Variants in CAMTA1 observed in about 807,000 individuals in gnomAD.
CAMTA1 encodes calmodulin-binding transcription activator 1.
CAMTA1 carries 27 observed loss-of-function variants against 170.9 expected under a neutral mutation model. That is an observed-to-expected ratio of 0.16 (90% CI 0.12 to 0.22). The LOEUF (loss-of-function observed/expected upper bound fraction) is 0.22, where lower values mean the gene tolerates loss of function less well. Among genes scored for constraint, CAMTA1 ranks in the 10% least tolerant of loss-of-function variants. CAMTA1 has a pLI of 1.00. For missense variants in CAMTA1, 1,619 were observed against 2,217.2 expected (o/e 0.73, Z 5.42); for synonymous variants, 833 against 891.5 (o/e 0.93, Z 1.17).
At chr1:6,838,212 T>G (rs1035865741) in intron 3 of CAMTA1, among the ~76,000 whole-genome samples, 6 of 152,196 alleles carry the variant, frequency 3.9e-5, no homozygotes, top group African/African-American at 1.2e-4. Context: ...TGATAGTCAC[T>G]GACAGCACCA....
Position 7,609,778 on chromosome 1 carries a change from G to A in CAMTA1, c.511-30622G>A, listed in dbSNP as rs1326385139. Among the ~76,000 whole-genome samples, 5 of 152,316 alleles carry A rather than the reference G, an allele frequency of 3.3e-5. No individual in the cohort carries two copies. In the East Asian group the frequency reaches 5.8e-4, roughly 18 times the overall value. On this transcript the variant is annotated intron_variant, in intron 6 of 22. Transcript: ENST00000303635. The surrounding 1 kb of genome is among the most constrained non-coding windows in gnomAD (Gnocchi z 4.4). The stretch of plus-strand genomic sequence containing the variant: ...CTCTTTCCTGTCTGCAAAGCCAGGT[G>A]GGAACTGCCCTCCCGCAGGGCACCT...
chr1:7,106,237 A>G (rs1224327371), intron 4 of CAMTA1, among the ~76,000 whole-genome samples: 3 of 151,342 alleles, frequency 2.0e-5, no homozygotes. Context: ...CTGGGGATAC[A>G]CTGAGGGAGG....
intron 3 of CAMTA1, among the ~76,000 whole-genome samples, chr1:6,959,073 A>AT (rs746905191): frequency 6.6e-6 from 1 of 152,186 alleles, no homozygotes; most frequent in Non-Finnish European, 1.5e-5. Flanking sequence ...GACCTTGAGT[A>AT]TTTTGGCAGA....
chr1:7,617,831 G>A (rs1159700038), intron 6 of CAMTA1, among the ~76,000 whole-genome samples: 2 of 152,140 alleles, frequency 1.3e-5, no homozygotes, highest in Non-Finnish European at 2.9e-5. Flanking sequence ...GAGAATCGGG[G>A]TCCCCAACTT....
chr1:7,622,987 T>C (rs1465270392), intron 6 of CAMTA1, among the ~76,000 whole-genome samples: 1 of 152,232 alleles, frequency 6.6e-6, no homozygotes, highest in East Asian at 1.9e-4. Context: ...TCCTTTCCTC[T>C]CCCAGAGCTC....
intron 4 of CAMTA1, among the ~76,000 whole-genome samples, chr1:7,235,819 A>T (rs1203943674): frequency 6.6e-6 from 1 of 152,138 alleles, no homozygotes; most frequent in East Asian, 1.9e-4. Context: ...AACCTCTTTT[A>T]CGATTTTCAA....
intron 4 of CAMTA1, among the ~76,000 whole-genome samples, chr1:7,213,173 T>C (rs923759420): frequency 2.0e-5 from 3 of 152,254 alleles, no homozygotes; most frequent in Admixed American, 6.5e-5. Flanking sequence ...ATTTAGCTTT[T>C]AAAGAATCTG....
intron 5 of CAMTA1, among the ~76,000 whole-genome samples, chr1:7,411,583 T>C (rs2090760836): frequency 6.6e-6 from 1 of 151,538 alleles, no homozygotes; most frequent in African/African-American, 2.4e-5. Flanking sequence ...TAAATAACTT[T>C]CTTTTTTTTT....
At chr1:7,418,727 G>C (rs79953654) in intron 5 of CAMTA1, among the ~76,000 whole-genome samples, 1 of 152,182 alleles carries the variant, frequency 6.6e-6, no homozygotes, top group Non-Finnish European at 1.5e-5. Flanking sequence ...CTTCACTGCA[G>C]CCTGCCCATC....
intron 3 of CAMTA1, among the ~76,000 whole-genome samples, chr1:7,081,231 A>T (rs977208108): frequency 6.6e-6 from 1 of 152,220 alleles, no homozygotes; most frequent in African/African-American, 2.4e-5. Flanking sequence ...TTATAATAAT[A>T]ATGATGATGG....
At chr1:7,056,738 G>T (rs1707379862) in intron 3 of CAMTA1, among the ~76,000 whole-genome samples, 1 of 152,036 alleles carries the variant, frequency 6.6e-6, no homozygotes, top group Admixed American at 6.6e-5. Context: ...TGGGGGGTGG[G>T]TGCCAGGAGC....
chr1:6,873,592 T>A (rs1407494602), intron 3 of CAMTA1, among the ~76,000 whole-genome samples: 1 of 152,244 alleles, frequency 6.6e-6, no homozygotes, highest in East Asian at 1.9e-4. Context: ...AGTACTTTAT[T>A]TGTAAGTCCA....
In CAMTA1 at chr1:7,182,794, A is replaced by G. The variant is rs142440381; in HGVS notation, c.303-66697A>G. Among the ~76,000 whole-genome samples, 1,285 of 152,344 alleles carry G rather than the reference A, an allele frequency of 8.4e-3. 13 individuals carry two copies. Among genetic ancestry groups the G allele is most frequent in the Non-Finnish European group, 0.013 (854 of 68,030 alleles). ...GGGCACAAGACATGAAAGATAATTC[A>G]CATCAAGGATATACAAATGTCCTTT... On this transcript the variant is annotated intron_variant, in intron 4 of 22. Coordinates refer to ENST00000303635, the MANE Select transcript of CAMTA1 (RefSeq NM_015215.4).
chr1:7,252,222 A>G (rs1358978253), intron 5 of CAMTA1, among the ~76,000 whole-genome samples: 3 of 152,240 alleles, frequency 2.0e-5, no homozygotes. Flanking sequence ...CATGCCCACC[A>G]GAACTGGCGA....
chr1:7,528,230 G>A (rs1469063148), intron 6 of CAMTA1, among the ~76,000 whole-genome samples: 1 of 152,114 alleles, frequency 6.6e-6, no homozygotes, highest in African/African-American at 2.4e-5. Context: ...AACAACAAAA[G>A]TCGACTCAGG....
At chr1:7,398,209 A>C (rs866194192) in intron 5 of CAMTA1, among the ~76,000 whole-genome samples, 1,720 of 94,998 alleles carry the variant, frequency 0.018, 18 homozygotes, top group South Asian at 0.026. Flanking sequence ...ATATATATAT[A>C]TATATATATA....
At chr1:7,683,810 G>A (rs1330259322) in intron 11 of CAMTA1, among the ~76,000 whole-genome samples, 4 of 152,208 alleles carry the variant, frequency 2.6e-5, no homozygotes, top group African/African-American at 4.8e-5. Flanking sequence ...ACATTGCGGT[G>A]GGTGTCTGTC....
At chr1:7,096,561 C>G (rs1024770714) in intron 4 of CAMTA1, among the ~76,000 whole-genome samples, 1 of 152,194 alleles carries the variant, frequency 6.6e-6, no homozygotes, top group Non-Finnish European at 1.5e-5. Flanking sequence ...AGAAGAGCCA[C>G]CTCGTTTGTG....
chr1:6,860,409 C>T (rs1664226395), intron 3 of CAMTA1, among the ~76,000 whole-genome samples: 1 of 152,144 alleles, frequency 6.6e-6, no homozygotes, highest in Admixed American at 6.5e-5. Context: ...AGTCATTGAT[C>T]ATTTTCTACT....
Sources: allele counts gnomAD v4.1 joint callset (sites outside exome capture counted in the v4.1 genomes callset), GRCh38; gene constraint gnomAD v4.1.1; non-coding constraint Gnocchi (gnomAD v3.1); transcripts MANE v1.5; gene names NCBI Gene and HGNC (gene_info 2026-07-23, HGNC 2026-07-21).